The following MYO1E variants were observed in gnomAD, a reference collection of about 807,000 sequenced individuals.
MYO1E encodes myosin IE.
In MYO1E, 68 loss-of-function variants were observed where a neutral mutation model predicts 151.1. The ratio of observed to expected loss-of-function variants is 0.45; its 90% CI spans 0.37 to 0.55. The LOEUF (loss-of-function observed/expected upper bound fraction) is 0.55, where lower values mean the gene tolerates loss of function less well. Among genes scored for constraint, MYO1E ranks in the 20% least tolerant of loss-of-function variants. MYO1E has a pLI of 0.00. For synonymous variants in MYO1E, 601 were observed against 501.7 expected (o/e 1.20, Z -2.64); for missense variants, 1,363 against 1,389.3 (o/e 0.98, Z 0.30).
At chr15:59,322,254 C>T (rs1452476870) in intron 1 of MYO1E, among the ~76,000 whole-genome samples, 2 of 151,700 alleles carry the variant, frequency 1.3e-5, no homozygotes, top group African/African-American at 4.8e-5. Context: ...ATGACAGTAC[C>T]CCAAACCTCA....
At chr15:59,161,819 T>C (rs1464712960) in intron 23 of MYO1E, among the ~76,000 whole-genome samples, 1 of 152,256 alleles carries the variant, frequency 6.6e-6, no homozygotes, top group Non-Finnish European at 1.5e-5. Flanking sequence ...AATGCTTCTA[T>C]ATTGCATATA....
chr15:59,144,614 C>G (rs1221272623), intron 26 of MYO1E, among the ~76,000 whole-genome samples: 3 of 151,774 alleles, frequency 2.0e-5, no homozygotes, highest in Non-Finnish European at 4.4e-5. Context: ...TTTTCTGATT[C>G]TAGGAAAGTT....
intron 2 of MYO1E, among the ~76,000 whole-genome samples, chr15:59,265,792 TAAAAAAA>T (rs59957325): frequency 3.8e-5 from 4 of 106,330 alleles, no homozygotes; most frequent in Non-Finnish European, 7.6e-5. Flanking sequence ...CCCATCTCCT[TAAAAAAA>T]AAAAAAAAAA....
intron 1 of MYO1E, among the ~76,000 whole-genome samples, chr15:59,353,061 G>A (rs1979512): frequency 0.99 from 150,474 of 152,322 alleles, 74,361 homozygotes; most frequent in East Asian, 1. Flanking sequence ...TCTAGCCAAC[G>A]GCAGTTGATT....
chr15:59,244,419 C>T (rs1177236418), intron 4 of MYO1E, among the ~76,000 whole-genome samples: 1 of 152,208 alleles, frequency 6.6e-6, no homozygotes. Context: ...TGTATATTTC[C>T]TCATTACACT....
At chr15:59,161,571 C>T (rs536817404) in intron 23 of MYO1E, among the ~76,000 whole-genome samples, 4 of 152,284 alleles carry the variant, frequency 2.6e-5, no homozygotes, top group Non-Finnish European at 4.4e-5. Context: ...CAGGTCATAC[C>T]GCTGTGCTGT....
At chr15:59,278,319 A>G (rs1282604308) in intron 1 of MYO1E, among the ~76,000 whole-genome samples, 1 of 152,244 alleles carries the variant, frequency 6.6e-6, no homozygotes, top group African/African-American at 2.4e-5. Context: ...ACGGTGAACA[A>G]TGGACAATGG....
At chr15:59,193,084 A>C (rs1248228571) in intron 17 of MYO1E, among the ~76,000 whole-genome samples, 1 of 152,218 alleles carries the variant, frequency 6.6e-6, no homozygotes, top group African/African-American at 2.4e-5. Context: ...TCTTTGCTCT[A>C]GATCAGTGAT....
At chr15:59,268,833 T>C (rs1449975813) in intron 2 of MYO1E, among the ~76,000 whole-genome samples, 5 of 150,500 alleles carry the variant, frequency 3.3e-5, no homozygotes, top group African/African-American at 9.8e-5. Flanking sequence ...ATATAAGACA[T>C]AGTCCCTGCT....
intron 1 of MYO1E, among the ~76,000 whole-genome samples, chr15:59,312,602 G>A (rs976973925): frequency 2.6e-5 from 4 of 152,124 alleles, no homozygotes; most frequent in African/African-American, 7.2e-5. Flanking sequence ...GGGCTCAAGC[G>A]ATCCTCCTGC....
rs765950153 is a variant in MYO1E at position 59,138,263 on chromosome 15, T to C, written c.3185A>G (p.Tyr1062Cys). Reference sequence around the variant, plus strand: ...GAGTTCGTCTGTGTCCTGAGCGTCATAGGCATACAAAGCCTTGCACTGTGG... The same window carrying C: ...GAGTTCGTCTGTGTCCTGAGCGTCACAGGCATACAAAGCCTTGCACTGTGG... ...QVPQCKALYA[Y>C]DAQDTDELSF... The change falls in exon 27 of 28, where the codon TAT (tyrosine) becomes TGT (cysteine). Residue 1062 changes from tyrosine to cysteine, a missense_variant. By Grantham distance (194) the Tyr-to-Cys change is radical (BLOSUM62 -2). Transcript: ENST00000288235. 1.2e-6 allele frequency: 2 copies of C among 1,614,240 alleles called. No homozygotes were observed. The highest frequency in any genetic ancestry group is 1.7e-5 in the Admixed American group (1 of 60,026).
intron 1 of MYO1E, among the ~76,000 whole-genome samples, chr15:59,353,369 AAAAAGAAAAG>A (rs143319934): frequency 1.7e-4 from 16 of 96,884 alleles, no homozygotes; most frequent in Admixed American, 4.2e-4. Context: ...AAAAAAAAAA[AAAAAGAAAAG>A]AAAAGAAAAG....
chr15:59,228,649 G>T (rs918900806), intron 6 of MYO1E, among the ~76,000 whole-genome samples: 5 of 151,894 alleles, frequency 3.3e-5, no homozygotes, highest in Non-Finnish European at 7.4e-5. Flanking sequence ...AGGAAAAGAG[G>T]GAGTGGTGTG....
intron 1 of MYO1E, among the ~76,000 whole-genome samples, chr15:59,275,715 G>A (rs1347299381): frequency 6.6e-6 from 1 of 152,168 alleles, no homozygotes; most frequent in African/African-American, 2.4e-5. Flanking sequence ...AACCTGACCT[G>A]CCCAGATCGT....
chr15:59,201,959 T>G (rs927480156), intron 16 of MYO1E, among the ~76,000 whole-genome samples: 1 of 152,202 alleles, frequency 6.6e-6, no homozygotes, highest in Admixed American at 6.6e-5. Context: ...GGCAGGTTTT[T>G]GGGCCTGGCC....
chr15:59,277,564 A>ACAAAAAAAAAACAAAAAAAAACAC (rs71119452), intron 1 of MYO1E, among the ~76,000 whole-genome samples: 1 of 139,794 alleles, frequency 7.2e-6, no homozygotes, highest in East Asian at 2.1e-4. Flanking sequence ...AAAAAAAAAA[A>ACAAAAAAAAAACAAAAAAAAACAC]AAAAAAAAAC....
chr15:59,290,743 G>A (rs971746909), intron 1 of MYO1E, among the ~76,000 whole-genome samples: 4 of 152,166 alleles, frequency 2.6e-5, no homozygotes, highest in Non-Finnish European at 5.9e-5. Context: ...GTCCCAGCTA[G>A]GGATCCACTG....
At chr15:59,277,376 T>C (rs2080325267) in intron 1 of MYO1E, among the ~76,000 whole-genome samples, 1 of 151,880 alleles carries the variant, frequency 6.6e-6, no homozygotes, top group Non-Finnish European at 1.5e-5. Flanking sequence ...GAAACCCTGT[T>C]TCTACTAAAA....
rs754545171 is a variant in MYO1E, at chr15:59,223,097, T to C, written c.872A>G (p.Lys291Arg). The C allele has an allele frequency of 1.2e-6, 2 of 1,614,170 alleles. No homozygotes were observed. Among genetic ancestry groups the C allele is most frequent in the South Asian group, 2.2e-5 (2 of 91,076 alleles). Residue 291 changes from lysine (K) to arginine (R), a missense_variant, in exon 9 of 28, where the codon AAA becomes AGA. Lys to Arg is a conservative substitution (Grantham distance 26). Coordinates refer to ENST00000288235, the MANE Select transcript of MYO1E (RefSeq NM_004998.4). ...GILHLGNISF[K>R]EVGNYAAVES... ...CACAGCCGCGTAGTTGCCAACTTCTTTGAAGCTGATGTTTCCCAGGTGGAG... is the reference window on the plus strand; with the variant it reads ...CACAGCCGCGTAGTTGCCAACTTCTCTGAAGCTGATGTTTCCCAGGTGGAG...
Sources: allele counts gnomAD v4.1 joint callset (sites outside exome capture counted in the v4.1 genomes callset), GRCh38; gene constraint gnomAD v4.1.1; transcripts MANE v1.5; gene names NCBI Gene and HGNC (gene_info 2026-07-23, HGNC 2026-07-21).